MUC12: variants seen among roughly 807,000 people sequenced by gnomAD.
The protein encoded by MUC12 is mucin-12.
A neutral mutation model predicts 230.8 loss-of-function variants in MUC12; 172 were observed. The observed-to-expected ratio is 0.75, with a 90% confidence interval of 0.66 to 0.85. The LOEUF (loss-of-function observed/expected upper bound fraction) is 0.85. MUC12 is among the 40% of genes least tolerant of loss of function. The probability of loss-of-function intolerance (pLI) is 0.00; values close to 1 mark genes in which losing one functional copy is unlikely to be tolerated. For synonymous variants in MUC12, 1,259 were observed against 2,401.9 expected (o/e 0.52, Z 13.91); for missense variants, 3,506 against 5,920.6 (o/e 0.59, Z 13.38).
At position 100,969,646 on chromosome 7, in the gene MUC12, G is replaced by A. The variant is rs527757100; in HGVS notation, c.24G>A (p.Thr8=). ...AGATGCTGGTGATCTGGATTCTGACGCTGGCTCTCCGGCTCTGCGCGTCCG... is the reference window on the plus strand; with the variant it reads ...AGATGCTGGTGATCTGGATTCTGACACTGGCTCTCCGGCTCTGCGCGTCCG... MLVIWIL[T]LALRLCASVT... Residue 8 remains threonine (T), a synonymous_variant, in exon 1 of 12, where the codon ACG becomes ACA. Transcript: ENST00000536621. The A allele has an allele frequency of 1.1e-4, 168 of 1,537,386 alleles. No individual in the cohort carries two copies. In the African/African-American group the frequency reaches 1.6e-3, roughly 15 times the overall value.
chr7:101,007,963 A>ATTT (rs71517131), intron 3 of MUC12, among the ~76,000 whole-genome samples: 1 of 138,700 alleles, frequency 7.2e-6, no homozygotes, highest in African/African-American at 2.7e-5. Flanking sequence ...ATGCCTGGCT[A>ATTT]TTTTTTTTTT....
At chr7:100,987,447 C>T (rs570559605) in intron 1 of MUC12, among the ~76,000 whole-genome samples, 22 of 152,216 alleles carry the variant, frequency 1.4e-4, no homozygotes, top group Admixed American at 5.2e-4. Flanking sequence ...GGGCAGGCTA[C>T]GAGGGCTGCA....
Position 100,995,762 on chromosome 7 carries a change from A to T in MUC12, c.5199A>T (p.Thr1733=). 6.5e-7 allele frequency: 1 copy of T among 1,531,678 alleles called. No individual in the cohort carries two copies. The highest frequency in any genetic ancestry group is 8.7e-7 in the Non-Finnish European group (1 of 1,145,354). 94.9% of individuals were successfully genotyped at this position (1,531,678 alleles called of 1,614,324 possible). A position where few individuals can be genotyped will look rare whatever the true frequency, so the allele number is the denominator to read the frequency against. The part of the protein sequence containing the change: ...TPTTHFSASS[T]TLGRSEESTT... ...CAACCCACTTTTCTGCCAGCTCCAC[A>T]ACCTTGGGCCGTAGTGAGGAATCGA... The change falls in exon 2 of 12, where the codon ACA becomes ACT. Residue 1733 remains threonine (T), a synonymous_variant. Coordinates refer to ENST00000536621, the MANE Select transcript of MUC12 (RefSeq NM_001164462.2).
At position 100,991,375 on chromosome 7, in the gene MUC12, A is replaced by T; in HGVS notation, c.812A>T (p.His271Leu). ...TTLSPSSSTT[H>L]EGEPTTFQSW... ...CTGTCCCCTTCCAGCTCTACAACCC[A>T]TGAGGGAGAACCTACCACCTTCCAG... Residue 271 changes from histidine (H) to leucine (L), a missense_variant, in exon 2 of 12, where the codon CAT becomes CTT. By Grantham distance (99) the His-to-Leu change is moderately conservative. Coordinates refer to ENST00000536621, the MANE Select transcript of MUC12 (RefSeq NM_001164462.2). The T allele has an allele frequency of 6.5e-7, 1 of 1,537,668 alleles. No individual in the cohort carries two copies. Among genetic ancestry groups the T allele is most frequent in the Non-Finnish European group, 8.7e-7 (1 of 1,146,994 alleles).
chr7:100,983,979 A>G (rs745332599), intron 1 of MUC12, among the ~76,000 whole-genome samples: 1 of 152,116 alleles, frequency 6.6e-6, no homozygotes, highest in African/African-American at 2.4e-5. Flanking sequence ...ACCCTGCTGC[A>G]TTGAGCCCTG....
In MUC12 at chr7:101,002,750, C is replaced by T; in HGVS notation, c.12187C>T (p.Leu4063=). The T allele has an allele frequency of 6.9e-7, 1 of 1,445,770 alleles. No individual in the cohort carries two copies. Among genetic ancestry groups the T allele is most frequent in the Non-Finnish European group, 9.4e-7 (1 of 1,067,824 alleles). The allele number at this position is 1,445,770 out of a possible 1,614,324, so 89.6% of individuals were successfully genotyped here. A position where few individuals can be genotyped will look rare whatever the true frequency, so the allele number is the denominator to read the frequency against. ...HSSTGSLHTT[L]TPASSTSTGL... ...CAGCACTGGCTCGCTACACACAACA[C>T]TGACCCCTGCCAGCTCCACAAGCAC... The change falls in exon 2 of 12, where the codon CTG becomes TTG. Residue 4063 remains leucine (L), a synonymous_variant. Transcript: ENST00000536621.
intron 5 of MUC12, 136 bp downstream of exon 5, chr7:101,009,295 T>TG (rs1439556336): frequency 1.2e-6 from 1 of 851,678 alleles, no homozygotes; most frequent in Non-Finnish European, 1.9e-6. Flanking sequence ...TAGGGAACAC[T>TG]GGGGGCTGTG....
intron 1 of MUC12, among the ~76,000 whole-genome samples, chr7:100,985,418 G>T (rs550210620): frequency 6.6e-6 from 1 of 152,294 alleles, no homozygotes; most frequent in East Asian, 1.9e-4. Context: ...AAATCTTATA[G>T]CCTCCAGCTG....
In MUC12 at chr7:101,004,414, C is replaced by T. The variant is rs878876115; in HGVS notation, c.13851C>T (p.Phe4617=). ...CGGGCTCAACTCAAACAATGCACTT[C>T]CCTGAAAGCTCCACAGCTTCAGGTC... The part of the protein sequence containing the change: ...SSPGSTQTMH[F]PESSTASGRS... Residue 4617 remains phenylalanine (F), a synonymous_variant, in exon 2 of 12, where the codon TTC becomes TTT. Coordinates refer to ENST00000536621, the MANE Select transcript of MUC12 (RefSeq NM_001164462.2). 4 of 1,505,464 alleles carry T rather than the reference C, an allele frequency of 2.7e-6. No individual in the cohort carries two copies. Among genetic ancestry groups the T allele is most frequent in the Non-Finnish European group, 2.6e-6 (3 of 1,134,536 alleles). The allele number at this position is 1,505,464 out of a possible 1,614,324, so 93.3% of individuals were successfully genotyped here.
chr7:101,014,009 G>A lies in MUC12; in HGVS notation c.15735G>A (p.Ala5245=), dbSNP rs916074765. The part of the protein sequence containing the change: ...LVYGIVGAVM[A]VLLLALIILI... ...ATGGGATCGTGGGGGCTGTGATGGC[G>A]GTGCTGCTGCTCGCATTGATCATCC... is the stretch of plus-strand genomic sequence containing the variant. The change falls in exon 9 of 12, where the codon GCG becomes GCA. Residue 5245 remains alanine, a synonymous_variant. Coordinates refer to ENST00000536621, the MANE Select transcript of MUC12 (RefSeq NM_001164462.2). 58 of 1,537,000 alleles carry A rather than the reference G, an allele frequency of 3.8e-5. No individual in the cohort carries two copies. Among genetic ancestry groups the A allele is most frequent in the Admixed American group, 7.8e-5 (4 of 50,970 alleles).
At chr7:101,017,693 C>A in intron 11 of MUC12, 30 bp downstream of exon 11, 2 of 1,483,446 alleles carry the variant, frequency 1.3e-6, no homozygotes, top group Non-Finnish European at 1.8e-6. Flanking sequence ...CCCCCACCCC[C>A]TGAGGCTGCT....
intron 1 of MUC12, among the ~76,000 whole-genome samples, chr7:100,988,171 G>A (rs1193345296): frequency 6.6e-6 from 1 of 150,842 alleles, no homozygotes; most frequent in Non-Finnish European, 1.5e-5. Context: ...AGTGGTGGGT[G>A]CCTGTAATCC....
rs1263101618 is a variant in MUC12 at position 100,992,110 on chromosome 7, G to A, written c.1547G>A (p.Gly516Asp). Residue 516 changes from glycine (G) to aspartate (D), a missense_variant, in exon 2 of 12, where the codon GGC becomes GAC. Transcript: ENST00000536621. ...TTACCTGCCAGCATGACAAGCTCAG[G>A]CGTCAGTGAAGAATCCACCACCTCC... Reference protein sequence around the residue: ...THLPASMTSSGVSEESTTSHS... With the variant: ...THLPASMTSSDVSEESTTSHS... 5 of 1,537,174 alleles carry A rather than the reference G, an allele frequency of 3.3e-6. No individual in the cohort carries two copies. The highest frequency in any genetic ancestry group is 3.5e-6 in the Non-Finnish European group (4 of 1,146,718).
chr7:100,969,688 A>C lies in MUC12; in HGVS notation c.66A>C (p.Pro22=). ...GCGCGTCCGTTACTACAGTGACACCAGGTGAGTGCTCCTGGGCTGATGCTC... is the reference window on the plus strand; with the variant it reads ...GCGCGTCCGTTACTACAGTGACACCCGGTGAGTGCTCCTGGGCTGATGCTC... ...RLCASVTTVT[P]GSTVNTSIGG... The change falls in exon 1 of 12, where the codon CCA becomes CCC. Residue 22 remains proline, a splice_region_variant and synonymous_variant. Coordinates refer to ENST00000536621, the MANE Select transcript of MUC12 (RefSeq NM_001164462.2). The C allele has an allele frequency of 1.3e-6, 2 of 1,534,878 alleles. No homozygotes were observed. Among genetic ancestry groups the C allele is most frequent in the South Asian group, 2.4e-5 (2 of 84,002 alleles).
chr7:100,992,254 C>A lies in MUC12; in HGVS notation c.1691C>A (p.Ser564Tyr), dbSNP rs35240454. The change falls in exon 2 of 12, where the codon TCC becomes TAC. Residue 564 changes from serine to tyrosine, a missense_variant. Ser to Tyr is a moderately radical substitution (Grantham distance 144). Transcript: ENST00000536621. ...CCAGGCCCCACAGACACAACATTGT[C>A]CCCTGGCAGTACCACAGCATCATCC... is the stretch of plus-strand genomic sequence containing the variant. ...SSPGPTDTTL[S>Y]PGSTTASSLG... The A allele has an allele frequency of 2.0e-6, 3 of 1,537,494 alleles. No homozygotes were observed. The highest frequency in any genetic ancestry group is 1.7e-4 in the Middle Eastern group (1 of 6,008).
intron 1 of MUC12, among the ~76,000 whole-genome samples, chr7:100,990,054 C>T (rs190418703): frequency 2.6e-5 from 4 of 152,214 alleles, no homozygotes; most frequent in South Asian, 2.1e-4. Context: ...ACACCCTGCC[C>T]GCTAGCCAAA....
chr7:100,990,447 TA>T, intron 1 of MUC12, 183 bp from the exon 2 acceptor site: 1 of 704,632 alleles, frequency 1.4e-6, no homozygotes. Flanking sequence ...ACACCATCAA[TA>T]AAATTTCTTC....
Position 100,992,515 on chromosome 7 carries a change from C to A in MUC12, c.1952C>A (p.Thr651Lys), listed in dbSNP as rs779571571. ...KDTRPAPPTTTSAFVEPSTTS... is the reference protein window; with the variant it reads ...KDTRPAPPTTKSAFVEPSTTS... Reference sequence around the variant, plus strand: ...ACTAGGCCTGCACCTCCTACTACCACATCAGCCTTTGTTGAGCCATCTACA... The same window carrying A: ...ACTAGGCCTGCACCTCCTACTACCAAATCAGCCTTTGTTGAGCCATCTACA... Residue 651 changes from threonine to lysine, a missense_variant, in exon 2 of 12, where the codon ACA (threonine) becomes AAA (lysine). Coordinates refer to ENST00000536621, the MANE Select transcript of MUC12 (RefSeq NM_001164462.2). 4 of 1,537,976 alleles carry A rather than the reference C, an allele frequency of 2.6e-6. No individual in the cohort carries two copies. The highest frequency in any genetic ancestry group is 2.7e-5 in the African/African-American group (2 of 73,178).
rs1472762139 is a variant in MUC12, at chr7:101,018,663, T to A, written c.*27T>A. 16 of 1,532,480 alleles carry A rather than the reference T, an allele frequency of 1.0e-5. No homozygotes were observed. The highest frequency in any genetic ancestry group is 1.4e-5 in the African/African-American group (1 of 73,078). The allele number at this position is 1,532,480 out of a possible 1,614,324, so 94.9% of individuals were successfully genotyped here. A position where few individuals can be genotyped will look rare whatever the true frequency, so the allele number is the denominator to read the frequency against. On this transcript the variant is annotated 3_prime_UTR_variant, in exon 12 of 12. Transcript: ENST00000536621. Reference sequence around the variant, plus strand: ...CCAACGGGGGCCTCCCACCCTCATCTAGCTCTGTTCAGGAGAGCTGCAAAC... The same window carrying A: ...CCAACGGGGGCCTCCCACCCTCATCAAGCTCTGTTCAGGAGAGCTGCAAAC...
Sources: gnomAD v4.1 joint callset for allele counts (sites outside exome capture counted in the v4.1 genomes callset) on GRCh38, gnomAD v4.1.1 for gene constraint, MANE v1.5 for transcripts, NCBI Gene and HGNC (gene_info 2026-07-23, HGNC 2026-07-21) for gene names.